The following NIPA2 variants were observed in gnomAD, a reference collection of about 807,000 sequenced individuals.
NIPA2 encodes magnesium transporter NIPA2.
In NIPA2, 11 loss-of-function variants were observed where a neutral mutation model predicts 29.7. The observed-to-expected ratio is 0.37, with a 90% CI of 0.23 to 0.61. The LOEUF is 0.61. Among genes scored for constraint, NIPA2 ranks in the 20% least tolerant of loss-of-function variants. The pLI, the probability that NIPA2 is intolerant of heterozygous loss-of-function variation, is 0.66. For synonymous variants in NIPA2, 183 were observed against 161.9 expected, an observed-to-expected ratio of 1.13 and a Z score of -0.99; for missense variants, 426 against 437.9, an observed-to-expected ratio of 0.97 and a Z score of 0.24.
chr15:22,855,793 T>C (rs1251261264), intron 5 of NIPA2, among the ~76,000 whole-genome samples: 1 of 152,064 alleles, frequency 6.6e-6, no homozygotes, highest in East Asian at 1.9e-4. Flanking sequence ...CCATATGATA[T>C]TTGGGGGAGA....
intron 5 of NIPA2, among the ~76,000 whole-genome samples, chr15:22,856,650 G>T (rs993277239): frequency 6.6e-6 from 1 of 152,056 alleles, no homozygotes; most frequent in African/African-American, 2.4e-5. Flanking sequence ...AATATATAAA[G>T]AATTACCTTA....
intron 1 of NIPA2, 96 bp downstream of exon 1, chr15:22,839,017 C>T (rs992933649): frequency 2.0e-5 from 3 of 152,224 alleles, no homozygotes; most frequent in Non-Finnish European, 2.9e-5. Flanking sequence ...CTTCGGGCAA[C>T]TTTCCTTTCC....
intron 3 of NIPA2, among the ~76,000 whole-genome samples, chr15:22,849,351 C>T (rs921612174): frequency 6.6e-5 from 10 of 151,842 alleles, no homozygotes; most frequent in South Asian, 6.2e-4. Flanking sequence ...GGAAGCAAGA[C>T]GGGGTCTCCA....
rs540471319 is a variant in NIPA2 at position 22,849,671 on chromosome 15, C to T, written c.-93-1968C>T. On this transcript the variant is annotated intron_variant, in intron 3 of 7. Transcript: ENST00000337451. ...CCGTCCCAGGTTCATGCCATTCTCC[C>T]GCCTCAGCCTCCCAAGTAGCTGGAA... is the stretch of plus-strand genomic sequence containing the variant. Among the ~76,000 whole-genome samples the T allele has an allele frequency of 4.4e-3, 676 of 152,078 alleles. 6 individuals are homozygous for T. Among genetic ancestry groups the T allele is most frequent in the Non-Finnish European group, 7.1e-3 (482 of 67,974 alleles).
chr15:22,854,276 G>A (rs1377081945), intron 5 of NIPA2, among the ~76,000 whole-genome samples: 2 of 151,610 alleles, frequency 1.3e-5, no homozygotes, highest in Non-Finnish European at 2.9e-5. Context: ...ACAGGTGTGC[G>A]CCACCAAGCC....
intron 3 of NIPA2, among the ~76,000 whole-genome samples, chr15:22,850,718 T>C (rs2057670803): frequency 6.6e-6 from 1 of 152,178 alleles, no homozygotes; most frequent in Non-Finnish European, 1.5e-5. Context: ...ACAGGGAGTT[T>C]AAGTTGCTTT....
rs1184493773 is a variant in NIPA2, at chr15:22,858,842, A to G, written c.287+212A>G. On this transcript the variant is annotated intron_variant, in intron 6 of 7. Coordinates refer to ENST00000337451, the MANE Select transcript of NIPA2 (RefSeq NM_030922.7). ...GGAGAAAATGCTTTGTCTTGCTTGT[A>G]TTCAGAGCCAGTACTAGTTCTACTT... is the stretch of plus-strand genomic sequence containing the variant. Among the ~76,000 whole-genome samples, 4 of 152,302 alleles carry G rather than the reference A, an allele frequency of 2.6e-5. No individual in the cohort carries two copies. The East Asian group carries it at 5.8e-4, about 22-fold the overall frequency.
At chr15:22,858,779 A>C (rs2058396447) in intron 6 of NIPA2, 149 bp downstream of exon 6, 1 of 466,534 alleles carries the variant, frequency 2.1e-6, no homozygotes, top group South Asian at 4.3e-5. Flanking sequence ...TTGCTTTTAA[A>C]AAGTTACTTC....
chr15:22,844,619 G>A (rs1412428476), intron 2 of NIPA2, among the ~76,000 whole-genome samples: 3 of 151,920 alleles, frequency 2.0e-5, no homozygotes, highest in Admixed American at 6.6e-5. Context: ...GCTAGGTGTC[G>A]TGGTATACGC....
At position 22,838,802 on chromosome 15, in the gene NIPA2, A is replaced by C. The variant is rs1896228322; in HGVS notation, c.-471A>C. The C allele has an allele frequency of 6.6e-6, 1 of 152,652 alleles. No homozygotes were observed. The highest frequency in any genetic ancestry group is 1.5e-5 in the Non-Finnish European group (1 of 68,156). 9.5% of individuals were successfully genotyped at this position (152,652 alleles called of 1,614,324 possible). Reference sequence around the variant, plus strand: ...CCCGAATGCTCGCATCTCCCACTGGACGGCGACGAAGGCGGTGGCCGTGCG... The same window carrying C: ...CCCGAATGCTCGCATCTCCCACTGGCCGGCGACGAAGGCGGTGGCCGTGCG... On this transcript the variant is annotated 5_prime_UTR_variant, in exon 1 of 8. Transcript: ENST00000337451.
chr15:22,839,494 T>A (rs1034617171), intron 1 of NIPA2, among the ~76,000 whole-genome samples, 161 bp from the exon 2 acceptor site: 18 of 152,346 alleles, frequency 1.2e-4, no homozygotes, highest in African/African-American at 4.3e-4. Flanking sequence ...GTCGAGAGTT[T>A]CCATTCCAGT....
intron 7 of NIPA2, among the ~76,000 whole-genome samples, chr15:22,863,009 C>T (rs997163285): frequency 6.7e-6 from 1 of 149,934 alleles, no homozygotes; most frequent in African/African-American, 2.5e-5. Context: ...TCAAGCGATC[C>T]TCCCACCTCA....
intron 7 of NIPA2, among the ~76,000 whole-genome samples, chr15:22,865,730 T>C (rs1187098687): frequency 6.6e-6 from 1 of 152,200 alleles, no homozygotes; most frequent in Non-Finnish European, 1.5e-5. Flanking sequence ...AGTAGTATCT[T>C]TCAAGTTCTC....
Position 22,860,865 on chromosome 15 carries a change from G to A in NIPA2, c.448+76G>A, listed in dbSNP as rs2058571221. On this transcript the variant is annotated intron_variant, in intron 7 of 7. Transcript: ENST00000337451. Reference sequence around the variant, plus strand: ...TTTTACTTTAATCGAAATTTGATGAGCACATAAGGAAAGAAATTGTTCCAC... The same window carrying A: ...TTTTACTTTAATCGAAATTTGATGAACACATAAGGAAAGAAATTGTTCCAC... The A allele has an allele frequency of 4.6e-6, 5 of 1,088,568 alleles. No individual in the cohort carries two copies. In the Admixed American group the frequency reaches 8.1e-5, roughly 18 times the overall value. The allele number at this position is 1,088,568 out of a possible 1,614,324, so 67.4% of individuals were successfully genotyped here.
intron 5 of NIPA2, among the ~76,000 whole-genome samples, chr15:22,855,204 G>A (rs558078976): frequency 6.6e-5 from 10 of 151,796 alleles, no homozygotes; most frequent in Admixed American, 1.3e-4. Flanking sequence ...CCTGAGGTCA[G>A]GAGTGAGACC....
rs753215108 is a variant in NIPA2, at chr15:22,858,536, T to C, written c.197-4T>C. On this transcript the variant is annotated splice_polypyrimidine_tract_variant and splice_region_variant and intron_variant, in intron 5 of 7. Transcript: ENST00000337451. ...GAGTTTTTCTTTTGTTGTCTGTCTCTAAGTGGGAGCTGGTGAGGTGGCCAA... is the reference window on the plus strand; with the variant it reads ...GAGTTTTTCTTTTGTTGTCTGTCTCCAAGTGGGAGCTGGTGAGGTGGCCAA... 1.2e-6 allele frequency: 2 copies of C among 1,600,862 alleles called. No homozygotes were observed. The highest frequency in any genetic ancestry group is 1.7e-6 in the Non-Finnish European group (2 of 1,171,626).
rs1896503026 is a variant in NIPA2, at chr15:22,839,725, G to A, written c.-281G>A. The A allele has an allele frequency of 6.6e-6, 1 of 152,170 alleles. No homozygotes were observed. Among genetic ancestry groups the A allele is most frequent in the Non-Finnish European group, 1.5e-5 (1 of 68,032 alleles). The allele number at this position is 152,170 out of a possible 1,614,324, so 9.4% of individuals were successfully genotyped here. A position where few individuals can be genotyped will look rare whatever the true frequency, so the allele number is the denominator to read the frequency against. ...GGGTGGTATTTACGAGGAAATGAGA[G>A]TGAATAAGTCATCTCTAACCTCTCC... On this transcript the variant is annotated 5_prime_UTR_variant, in exon 2 of 8. In the 5' UTR this introduces an upstream ATG that the reference lacks. Coordinates refer to ENST00000337451, the MANE Select transcript of NIPA2 (RefSeq NM_030922.7).
chr15:22,865,295 A>G (rs1472522997), intron 7 of NIPA2, among the ~76,000 whole-genome samples: 2 of 151,784 alleles, frequency 1.3e-5, no homozygotes, highest in African/African-American at 2.4e-5. Context: ...GACCATCCTG[A>G]CTAACATGGT....
intron 7 of NIPA2, among the ~76,000 whole-genome samples, chr15:22,865,036 A>G (rs2058891278): frequency 6.6e-6 from 1 of 151,786 alleles, no homozygotes; most frequent in South Asian, 2.1e-4. Context: ...TAATTTTTGT[A>G]TTTTTAGAAG....
Sources: allele counts gnomAD v4.1 joint callset (sites outside exome capture counted in the v4.1 genomes callset), GRCh38; gene constraint gnomAD v4.1.1; transcripts MANE v1.5; gene names NCBI Gene and HGNC (gene_info 2026-07-23, HGNC 2026-07-21).